Variants in SCHIP1 observed in about 807,000 individuals in gnomAD.
The protein encoded by SCHIP1 is schwannomin interacting protein 1.
In SCHIP1, 8 loss-of-function variants were observed where a neutral mutation model predicts 29.7. That is an observed-to-expected ratio of 0.27 (90% CI 0.16 to 0.49). The LOEUF is 0.49. Among genes scored for constraint, SCHIP1 ranks in the 20% least tolerant of loss-of-function variants. The probability of loss-of-function intolerance (pLI) is 0.99; values close to 1 mark genes in which losing one functional copy is unlikely to be tolerated. For missense variants in SCHIP1, 193 were observed against 294.6 expected (o/e 0.66, Z 2.52); for synonymous variants, 76 against 94.9 (o/e 0.80, Z 1.16).
chr3:159,853,345 G>T (rs1331220715), intron 1 of SCHIP1: 2 of 682,690 alleles, frequency 2.9e-6, no homozygotes, highest in South Asian at 1.6e-5. Context: ...TTCATGGGAG[G>T]TTATTTCTTA....
intron 1 of SCHIP1, among the ~76,000 whole-genome samples, chr3:159,857,969 G>T (rs1340199598): frequency 5.9e-5 from 9 of 152,108 alleles, no homozygotes; most frequent in Admixed American, 5.2e-4. Context: ...CTGGCCATGA[G>T]TCTGTGTCCA....
the SCHIP1 span, among the ~76,000 whole-genome samples, chr3:159,701,470 A>G: frequency 1.5e-4 from 23 of 152,174 alleles, no homozygotes; most frequent in Non-Finnish European, 2.9e-5. Flanking sequence ...CTAATTTGAT[A>G]TTTAATTGCA....
At chr3:159,828,411 ATATATACGTATATATATACG>A in the SCHIP1 span, among the ~76,000 whole-genome samples, 8 of 92,052 alleles carry the variant, frequency 8.7e-5, 2 homozygotes, top group African/African-American at 3.2e-5. Context: ...ATATATACGT[ATATATACGTATATATATACG>A]TATATATACG....
At chr3:159,432,233 G>A in the SCHIP1 span, among the ~76,000 whole-genome samples, 1 of 149,800 alleles carries the variant, frequency 6.7e-6, no homozygotes, top group Admixed American at 6.7e-5. Flanking sequence ...CCTCTCTATA[G>A]GGCTGCTTGA....
intron 1 of SCHIP1, chr3:159,846,143 A>C (rs1428560944): frequency 6.6e-6 from 1 of 152,208 alleles, no homozygotes; most frequent in Non-Finnish European, 1.5e-5. Flanking sequence ...ACTCATCTCC[A>C]AGCTGCCTTT....
the SCHIP1 span, among the ~76,000 whole-genome samples, chr3:159,457,024 T>C: frequency 2.0e-5 from 3 of 152,184 alleles, no homozygotes; most frequent in Admixed American, 2.0e-4. Flanking sequence ...AATTATAATT[T>C]GGAATTTTTG....
At chr3:159,501,956 T>C in the SCHIP1 span, among the ~76,000 whole-genome samples, 1 of 152,320 alleles carries the variant, frequency 6.6e-6, no homozygotes, top group East Asian at 1.9e-4. Context: ...GATCTTCTGA[T>C]CATTAATCCT....
chr3:159,532,778 G>C, the SCHIP1 span, among the ~76,000 whole-genome samples: 1 of 152,142 alleles, frequency 6.6e-6, no homozygotes, highest in African/African-American at 2.4e-5. Context: ...ACCAGACTTT[G>C]TTGATGACAT....
the SCHIP1 span, among the ~76,000 whole-genome samples, chr3:159,556,238 GA>G: frequency 1.3e-5 from 2 of 152,084 alleles, no homozygotes; most frequent in Non-Finnish European, 2.9e-5. Context: ...ACACCAGTTA[GA>G]ATGGCAATCA....
At chr3:159,414,241 T>C in the SCHIP1 span, among the ~76,000 whole-genome samples, 1 of 152,128 alleles carries the variant, frequency 6.6e-6, no homozygotes, top group Non-Finnish European at 1.5e-5. Flanking sequence ...AAAGCTAATA[T>C]AGGGAAGGGA....
the SCHIP1 span, among the ~76,000 whole-genome samples, chr3:159,276,499 T>A: frequency 2.0e-5 from 3 of 152,192 alleles, no homozygotes; most frequent in African/African-American, 7.2e-5. Context: ...AAACTTTCTA[T>A]CAAGTGATTT....
chr3:159,495,708 A>T, the SCHIP1 span, among the ~76,000 whole-genome samples: 9 of 152,238 alleles, frequency 5.9e-5, no homozygotes, highest in Non-Finnish European at 1.3e-4. Context: ...ATTCAATGCC[A>T]TCCCTATCAA....
At chr3:159,519,945 T>C in the SCHIP1 span, among the ~76,000 whole-genome samples, 1 of 151,592 alleles carries the variant, frequency 6.6e-6, no homozygotes, top group South Asian at 2.1e-4. Flanking sequence ...CCACGTATAG[T>C]CGTACAACTG....
chr3:159,305,412 T>C, the SCHIP1 span, among the ~76,000 whole-genome samples: 1 of 152,254 alleles, frequency 6.6e-6, no homozygotes, highest in Admixed American at 6.5e-5. Context: ...ATCTTCCCAC[T>C]CCATACCTGT....
chr3:159,418,988 G>T, the SCHIP1 span, among the ~76,000 whole-genome samples: 1 of 152,148 alleles, frequency 6.6e-6, no homozygotes. Flanking sequence ...CAGTTTTCTC[G>T]CCCATGCAAG....
the SCHIP1 span, among the ~76,000 whole-genome samples, chr3:159,479,963 C>T: frequency 1.7e-4 from 26 of 152,258 alleles, no homozygotes; most frequent in African/African-American, 4.8e-4. Context: ...AATTGTTAGG[C>T]TCAGAGGTTA....
the SCHIP1 span, among the ~76,000 whole-genome samples, chr3:159,729,813 A>T: frequency 6.6e-6 from 1 of 152,180 alleles, no homozygotes; most frequent in Non-Finnish European, 1.5e-5. Context: ...GCAAATAAAG[A>T]TATTCATTAC....
rs556824010 is a variant in SCHIP1 at position 159,890,512 on chromosome 3, T to C, written c.589+1569T>C. 3.9e-5 allele frequency among the ~76,000 whole-genome samples: 6 copies of C among 152,298 alleles called. No individual in the cohort carries two copies. The East Asian group carries it at 1.2e-3, about 29-fold the overall frequency. ...CATATTCAGTGCCAAGTTAACACAT[T>C]GAATATTGTTTTAAAATTAAGAGAA... is the stretch of plus-strand genomic sequence containing the variant. On this transcript the variant is annotated intron_variant, in intron 5 of 6. Coordinates refer to ENST00000445224, the Ensembl canonical transcript of SCHIP1.
the SCHIP1 span, among the ~76,000 whole-genome samples, chr3:159,812,697 A>G: frequency 1.3e-5 from 2 of 152,244 alleles, no homozygotes; most frequent in African/African-American, 4.8e-5. Flanking sequence ...AAGTGTTATT[A>G]GCAAAAGGAA....
Sources: allele counts gnomAD v4.1 joint callset (sites outside exome capture counted in the v4.1 genomes callset), GRCh38; gene constraint gnomAD v4.1.1; transcripts MANE v1.5; gene names NCBI Gene and HGNC (gene_info 2026-07-23, HGNC 2026-07-21).